ARHGAP45: variants seen among roughly 807,000 people sequenced by gnomAD.
ARHGAP45 encodes Rho GTPase activating protein 45, also known as rho GTPase-activating protein 45.
In ARHGAP45, 56 loss-of-function variants were observed where a neutral mutation model predicts 116.1. That is an observed-to-expected ratio of 0.48 (90% CI 0.39 to 0.60). The LOEUF (loss-of-function observed/expected upper bound fraction) is 0.60, where lower values mean the gene tolerates loss of function less well. Among genes scored for constraint, ARHGAP45 ranks in the 20% least tolerant of loss-of-function variants. The pLI, the probability that ARHGAP45 is intolerant of heterozygous loss-of-function variation, is 0.00. For synonymous variants in ARHGAP45, 866 were observed against 701.7 expected, an observed-to-expected ratio of 1.23 and a Z score of -3.70; for missense variants, 1,622 against 1,601.0, an observed-to-expected ratio of 1.01 and a Z score of -0.22.
chr19:1,073,972 G>T lies in ARHGAP45; in HGVS notation c.748G>T (p.Gly250Cys). The T allele has an allele frequency of 6.3e-7, 1 of 1,587,170 alleles. No homozygotes were observed. The highest frequency in any genetic ancestry group is 8.6e-7 in the Non-Finnish European group (1 of 1,167,580). Reference sequence around the variant, plus strand: ...GTCCATGGAAAGCCTGTATGGACCGGGCAGTGAGGGCACGCCTCCCAGCCT... The same window carrying T: ...GTCCATGGAAAGCCTGTATGGACCGTGCAGTGAGGGCACGCCTCCCAGCCT... Reference protein sequence around the residue: ...SQSMESLYGPGSEGTPPSLED... With the variant: ...SQSMESLYGPCSEGTPPSLED... The change falls in exon 6 of 23, where the codon GGC (glycine) becomes TGC (cysteine). Residue 250 changes from glycine (G) to cysteine (C), a missense_variant. Transcript: ENST00000313093.
rs898722340 is a variant in ARHGAP45, at chr19:1,069,238, G to T, written c.421+494G>T. On this transcript the variant is annotated intron_variant, in intron 2 of 22. Coordinates refer to ENST00000313093, the MANE Select transcript of ARHGAP45 (RefSeq NM_012292.5). This position sits in a 1 kb window ranked among gnomAD's most constrained non-coding sequence, Gnocchi z 4.1. ...TGGAGAGAGATTCAGGAGGCATGGC[G>T]AGGGGCAGGATGGGGTCATCAGGCG... Among the ~76,000 whole-genome samples the T allele has an allele frequency of 1.3e-5, 2 of 152,168 alleles. No individual in the cohort carries two copies. The highest frequency in any genetic ancestry group is 4.8e-5 in the African/African-American group (2 of 41,430).
At chr19:1,079,649 G>A in intron 11 of ARHGAP45, 54 bp from the exon 12 acceptor site, 3 of 1,587,184 alleles carry the variant, frequency 1.9e-6, no homozygotes, top group Non-Finnish European at 1.7e-6. Context: ...GTTTCTGTCT[G>A]AGTCCTGCAC....
chr19:1,076,602 T>G (rs2043256171), intron 10 of ARHGAP45, among the ~76,000 whole-genome samples: 1 of 149,276 alleles, frequency 6.7e-6, no homozygotes, highest in Admixed American at 6.8e-5. Context: ...GCTCAAGCGA[T>G]TCTTCTGCCT....
At position 1,086,180 on chromosome 19, in the gene ARHGAP45, C is replaced by T. The variant is rs1265587815; in HGVS notation, c.*174C>T. On this transcript the variant is annotated 3_prime_UTR_variant, in exon 23 of 23. Transcript: ENST00000313093. The stretch of plus-strand genomic sequence containing the variant: ...CTCCTCCCAGAGGCTTCCAGGAGCA[C>T]GAGGGCCTTGCGGCACAGGACTGTG... 7.0e-5 allele frequency: 43 copies of T among 615,226 alleles called. No individual in the cohort carries two copies. The highest frequency in any genetic ancestry group is 4.4e-4 in the Middle Eastern group (1 of 2,292). 38.1% of individuals were successfully genotyped at this position (615,226 alleles called of 1,614,324 possible). A position where few individuals can be genotyped will look rare whatever the true frequency, so the allele number is the denominator to read the frequency against.
chr19:1,067,204 G>T lies in ARHGAP45; in HGVS notation c.-202G>T. 1 of 1,354,232 alleles carries T rather than the reference G, an allele frequency of 7.4e-7. No individual in the cohort carries two copies. Among genetic ancestry groups the T allele is most frequent in the Non-Finnish European group, 9.4e-7 (1 of 1,059,302 alleles). 83.9% of individuals were successfully genotyped at this position (1,354,232 alleles called of 1,614,324 possible). ...CGCAGGCTGAGGCCGGGAAGGGTCG[G>T]GGGCGAGGCCGCGTCGCCGCCTCCC... On this transcript the variant is annotated 5_prime_UTR_variant, in exon 1 of 23. Coordinates refer to ENST00000313093, the MANE Select transcript of ARHGAP45 (RefSeq NM_012292.5).
chr19:1,074,769 G>C (rs988555117), intron 9 of ARHGAP45, 30 bp from the exon 10 acceptor site: 15 of 1,599,174 alleles, frequency 9.4e-6, no homozygotes, highest in African/African-American at 1.3e-5. Context: ...GTGTCACCGG[G>C]GTACCCACTC....
chr19:1,080,289 A>C lies in ARHGAP45; in HGVS notation c.1738A>C (p.Asn580His), dbSNP rs1300676589. Residue 580 changes from asparagine to histidine, a missense_variant, in exon 14 of 23, where the codon AAC becomes CAC. By Grantham distance (68) the Asn-to-His change is moderately conservative. Transcript: ENST00000313093. ...PVMRARKSSF[N>H]VSDVARPEAA... Reference sequence around the variant, plus strand: ...CATGCGTGCCCGGAAGAGCAGCTTCAACGTGAGTGATGTGGCGCGGCCGGA... The same window carrying C: ...CATGCGTGCCCGGAAGAGCAGCTTCCACGTGAGTGATGTGGCGCGGCCGGA... 1 of 1,612,522 alleles carries C rather than the reference A, an allele frequency of 6.2e-7. No individual in the cohort carries two copies. The highest frequency in any genetic ancestry group is 1.1e-5 in the South Asian group (1 of 91,078).
At chr19:1,085,023 A>G (rs1213115413) in intron 22 of ARHGAP45, among the ~76,000 whole-genome samples, 4 of 152,184 alleles carry the variant, frequency 2.6e-5, no homozygotes, top group Non-Finnish European at 5.9e-5. Flanking sequence ...CAGAGGTTGC[A>G]CTGAGCCAAG....
intron 2 of ARHGAP45, among the ~76,000 whole-genome samples, chr19:1,072,130 C>T (rs1246320187): frequency 1.3e-5 from 2 of 152,004 alleles, no homozygotes; most frequent in Non-Finnish European, 2.9e-5. Flanking sequence ...GGCGCGATCT[C>T]GGCTCACTGC....
rs2043134658 is a variant in ARHGAP45 at position 1,071,231 on chromosome 19, C to T, written c.422-1918C>T. ...AGCCGGTTTGGCCACCGGAGACCCC[C>T]ATCGGTCAGCTGCCAGGCCCCACGC... On this transcript the variant is annotated intron_variant, in intron 2 of 22. Transcript: ENST00000313093. The surrounding 1 kb of genome is among the most constrained non-coding windows in gnomAD (Gnocchi z 4.6). The T allele has an allele frequency of 7.5e-6, 11 of 1,463,358 alleles. No homozygotes were observed. The highest frequency in any genetic ancestry group is 9.9e-6 in the Non-Finnish European group (11 of 1,110,260). The allele number at this position is 1,463,358 out of a possible 1,614,324, so 90.6% of individuals were successfully genotyped here. A position where few individuals can be genotyped will look rare whatever the true frequency, so the allele number is the denominator to read the frequency against.
intron 13 of ARHGAP45, 53 bp downstream of exon 13, chr19:1,080,171 C>A: frequency 6.2e-7 from 1 of 1,609,862 alleles, no homozygotes; most frequent in Non-Finnish European, 8.5e-7. Flanking sequence ...GCCTGGGAGC[C>A]GGGCTTCCCT....
chr19:1,082,799 G>C (rs186539887), intron 19 of ARHGAP45, 41 bp from the exon 20 acceptor site: 149 of 1,444,126 alleles, frequency 1.0e-4, no homozygotes, highest in Non-Finnish European at 1.3e-4. Context: ...TGGGGGCTGG[G>C]CCAGGCCCAC....
intron 10 of ARHGAP45, among the ~76,000 whole-genome samples, chr19:1,076,846 G>A (rs1292199644): frequency 2.0e-5 from 3 of 150,164 alleles, no homozygotes; most frequent in Non-Finnish European, 4.4e-5. Context: ...TGGCCAGGCT[G>A]GTCTCGAGTA....
chr19:1,074,414 GC>G lies in ARHGAP45; in HGVS notation c.993+11del. ...ACAGAGCGTCATGCAGGAGGTGGGG[GC>G]CCCGCGGGCACGGGGCGGGGGTCCC... On this transcript the variant is annotated splice_region_variant and intron_variant, in intron 8 of 22. Transcript: ENST00000313093. 1 of 1,538,382 alleles carries G rather than the reference GC, an allele frequency of 6.5e-7. No individual in the cohort carries two copies. Among genetic ancestry groups the G allele is most frequent in the Non-Finnish European group, 8.8e-7 (1 of 1,140,694 alleles).
Position 1,079,853 on chromosome 19 carries a change from C to A in ARHGAP45, c.1512+13C>A. 2 of 1,596,878 alleles carry A rather than the reference C, an allele frequency of 1.3e-6. No homozygotes were observed. Among genetic ancestry groups the A allele is most frequent in the Non-Finnish European group, 8.6e-7 (1 of 1,168,624 alleles). ...AACCATCAAGTCGGTGCGTGGGGTG[C>A]TCCGGCCGCCCGGGCGGGGATGGTG... On this transcript the variant is annotated intron_variant, in intron 12 of 22. Transcript: ENST00000313093.
chr19:1,085,884 C>A lies in ARHGAP45; in HGVS notation c.3289C>A (p.Leu1097Ile). Residue 1097 changes from leucine to isoleucine, a missense_variant, in exon 23 of 23, where the codon CTC (leucine) becomes ATC (isoleucine). Transcript: ENST00000313093. ...DGDEDGPAQQ[L>I]SGFNTNQSNN... is the part of the protein sequence containing the mutation. ...GGACGAGGACGGCCCGGCCCAGCAG[C>A]TCTCAGGATTCAACACCAACCAGTC... 6.2e-7 allele frequency: 1 copy of A among 1,612,866 alleles called. No individual in the cohort carries two copies. The highest frequency in any genetic ancestry group is 8.5e-7 in the Non-Finnish European group (1 of 1,179,952).
intron 13 of ARHGAP45, 39 bp from the exon 14 acceptor site, chr19:1,080,216 C>T (rs776038333): frequency 2.5e-6 from 4 of 1,611,098 alleles, no homozygotes; most frequent in East Asian, 4.5e-5. Context: ...TGTCTTGCCC[C>T]CCATCACCTC....
intron 13 of ARHGAP45, 68 bp from the exon 14 acceptor site, chr19:1,080,187 G>T: frequency 6.2e-7 from 1 of 1,610,510 alleles, no homozygotes. Context: ...TCCCTCTGTC[G>T]GGGGCATGAA....
chr19:1,085,554 TCTCCC>T (rs2043596477), intron 22 of ARHGAP45, 101 bp from the exon 23 acceptor site: 16 of 769,904 alleles, frequency 2.1e-5, no homozygotes, highest in Non-Finnish European at 3.1e-5. Context: ...TCTCCATCTC[TCTCCC>T]CCCTCTCCTG....
Sources: allele counts gnomAD v4.1 joint callset (sites outside exome capture counted in the v4.1 genomes callset), GRCh38; gene constraint gnomAD v4.1.1; non-coding constraint Gnocchi (gnomAD v3.1); transcripts MANE v1.5; gene names NCBI Gene and HGNC (gene_info 2026-07-23, HGNC 2026-07-21).